FER1L6: variants seen among roughly 807,000 people sequenced by gnomAD.
The protein encoded by FER1L6 is fer-1 like family member 6, also known as fer-1-like protein 6.
Under a neutral mutation model 219.2 loss-of-function variants are expected in FER1L6, and 177 were observed. The observed-to-expected ratio is 0.81, with a 90% confidence interval of 0.71 to 0.91. FER1L6 has a LOEUF of 0.91. FER1L6 is among the 40% of genes least tolerant of loss of function. The probability of loss-of-function intolerance (pLI) is 0.00; values close to 1 mark genes in which losing one functional copy is unlikely to be tolerated. For synonymous variants in FER1L6, 768 were observed against 824.3 expected, an observed-to-expected ratio of 0.93 and a Z score of 1.17; for missense variants, 2,153 against 2,259.9, an observed-to-expected ratio of 0.95 and a Z score of 0.96.
At chr8:123,960,609 G>A (rs144007342) in intron 2 of FER1L6, among the ~76,000 whole-genome samples, 1 of 152,228 alleles carries the variant, frequency 6.6e-6, no homozygotes, top group East Asian at 1.9e-4. Context: ...CTGGAAATCA[G>A]TATCACTGGG....
intron 20 of FER1L6, among the ~76,000 whole-genome samples, chr8:124,040,953 G>A (rs1819461239): frequency 1.3e-5 from 2 of 152,322 alleles, no homozygotes; most frequent in South Asian, 4.1e-4. Context: ...GCAAATCATA[G>A]TATGGGTCTG....
At chr8:123,864,781 G>C (rs1232082430) in intron 1 of FER1L6, among the ~76,000 whole-genome samples, 1 of 150,154 alleles carries the variant, frequency 6.7e-6, no homozygotes, top group Non-Finnish European at 1.5e-5. Flanking sequence ...ATCGGCTCCT[G>C]AGGCTTCTGC....
intron 33 of FER1L6, among the ~76,000 whole-genome samples, chr8:124,085,453 ATTTC>A (rs1821740565): frequency 6.6e-6 from 1 of 151,644 alleles, no homozygotes; most frequent in Non-Finnish European, 1.5e-5. Context: ...AAATTTCTAA[ATTTC>A]TTTCTTAATT....
At chr8:123,957,096 G>C (rs1004156255) in intron 2 of FER1L6, among the ~76,000 whole-genome samples, 1 of 152,296 alleles carries the variant, frequency 6.6e-6, no homozygotes, top group Middle Eastern at 3.4e-3. Context: ...CGTGGGTCTC[G>C]TTAATCTTCA....
intron 26 of FER1L6, among the ~76,000 whole-genome samples, chr8:124,065,438 A>G (rs1586659870): frequency 6.6e-6 from 1 of 151,222 alleles, no homozygotes; most frequent in East Asian, 1.9e-4. Flanking sequence ...CTTAAGGAAC[A>G]GCCTGCCCAG....
At chr8:123,884,177 C>T (rs2129672677) in intron 1 of FER1L6, among the ~76,000 whole-genome samples, 1 of 152,346 alleles carries the variant, frequency 6.6e-6, no homozygotes, top group South Asian at 2.1e-4. Flanking sequence ...TCACAAAGAA[C>T]ACCATGTGTG....
rs10104887 is a variant in FER1L6 at position 123,942,162 on chromosome 8, T to C, written c.-7-13830T>C. On this transcript the variant is annotated intron_variant, in intron 1 of 40. Coordinates refer to ENST00000522917, the MANE Select transcript of FER1L6 (RefSeq NM_001039112.2). ...TACGAGGCTGCCTTGGGAGCTACTA[T>C]TTAACTGCTTAGTCTGTACCTGCAG... 1.9e-3 allele frequency among the ~76,000 whole-genome samples: 291 copies of C among 152,242 alleles called. 3 individuals carry two copies. Among genetic ancestry groups the C allele is most frequent in the African/African-American group, 6.4e-3 (267 of 41,538 alleles).
intron 1 of FER1L6, among the ~76,000 whole-genome samples, chr8:123,896,875 T>C (rs1353148208): frequency 1.3e-5 from 2 of 152,144 alleles, no homozygotes; most frequent in Admixed American, 1.3e-4. Flanking sequence ...GCCCTGCAGC[T>C]ATTCTAGGGC....
intron 24 of FER1L6, among the ~76,000 whole-genome samples, chr8:124,061,406 G>C (rs573378957): frequency 6.6e-6 from 1 of 152,126 alleles, no homozygotes; most frequent in African/African-American, 2.4e-5. Context: ...CAAACCTTTT[G>C]TATCAGGCTG....
intron 1 of FER1L6, among the ~76,000 whole-genome samples, chr8:123,915,288 C>A (rs968759943): frequency 6.6e-6 from 1 of 152,108 alleles, no homozygotes; most frequent in Non-Finnish European, 1.5e-5. Flanking sequence ...GCCTTCATGG[C>A]CATGATAGCC....
rs1296301001 is a variant in FER1L6 at position 123,862,350 on chromosome 8, G to A, written c.-8+10165G>A. Among the ~76,000 whole-genome samples, 51 of 124,256 alleles carry A rather than the reference G, an allele frequency of 4.1e-4. No individual in the cohort carries two copies. In the East Asian group the frequency reaches 8.1e-3, roughly 20 times the overall value. 81.5% of individuals were successfully genotyped at this position (124,256 alleles called of 152,430 possible). A position where few individuals can be genotyped will look rare whatever the true frequency, so the allele number is the denominator to read the frequency against. ...AAGCCCACTTGATCATGGTGGATAA[G>A]CTTTTTGATGTGCTGCTGGATTCGG... On this transcript the variant is annotated intron_variant, in intron 1 of 40. Coordinates refer to ENST00000522917, the MANE Select transcript of FER1L6 (RefSeq NM_001039112.2).
At chr8:123,947,144 G>A (rs777028895) in intron 1 of FER1L6, among the ~76,000 whole-genome samples, 1 of 152,002 alleles carries the variant, frequency 6.6e-6, no homozygotes, top group Non-Finnish European at 1.5e-5. Context: ...AAATTAGCCG[G>A]GTGTGGTGGC....
intron 1 of FER1L6, among the ~76,000 whole-genome samples, chr8:123,954,980 T>C (rs1331936024): frequency 6.6e-6 from 1 of 152,190 alleles, no homozygotes; most frequent in African/African-American, 2.4e-5. Flanking sequence ...CAGCCCAGTT[T>C]CATCCATCTG....
intron 39 of FER1L6, among the ~76,000 whole-genome samples, chr8:124,103,514 T>C (rs2130992747): frequency 6.6e-6 from 1 of 152,336 alleles, no homozygotes; most frequent in Admixed American, 6.5e-5. Context: ...TTTTCTATCC[T>C]TTTGGCCTGA....
intron 18 of FER1L6, among the ~76,000 whole-genome samples, chr8:124,028,146 T>A (rs758108447): frequency 7.9e-5 from 12 of 152,246 alleles, no homozygotes; most frequent in Non-Finnish European, 1.6e-4. Context: ...AGTCAGAGGT[T>A]AGAAGAGTTG....
At chr8:123,910,964 T>A (rs949480673) in intron 1 of FER1L6, among the ~76,000 whole-genome samples, 1 of 152,088 alleles carries the variant, frequency 6.6e-6, no homozygotes, top group Non-Finnish European at 1.5e-5. Context: ...CCTAGTGGGA[T>A]GGGCAGTGAG....
chr8:123,921,539 A>AT lies in FER1L6; in HGVS notation c.-7-34437dup, dbSNP rs34702833. 6.7e-3 allele frequency among the ~76,000 whole-genome samples: 953 copies of AT among 141,826 alleles called. 3 individuals are homozygous for AT. The highest frequency in any genetic ancestry group is 0.013 in the South Asian group (57 of 4,446). 93.0% of individuals were successfully genotyped at this position (141,826 alleles called of 152,430 possible). ...ACCACCATGCCAGGCTAATTTTTGG[A>AT]TTTTTTTTTTTTTTTTGTAGAGACT... On this transcript the variant is annotated intron_variant, in intron 1 of 40. Coordinates refer to ENST00000522917, the MANE Select transcript of FER1L6 (RefSeq NM_001039112.2).
At chr8:123,953,375 C>T (rs953647157) in intron 1 of FER1L6, among the ~76,000 whole-genome samples, 17 of 152,208 alleles carry the variant, frequency 1.1e-4, no homozygotes, top group African/African-American at 4.1e-4. Context: ...CTTCTCAACA[C>T]TGGGTCTGCC....
intron 35 of FER1L6, among the ~76,000 whole-genome samples, chr8:124,095,554 T>C (rs1822247235): frequency 6.6e-6 from 1 of 152,026 alleles, no homozygotes; most frequent in Non-Finnish European, 1.5e-5. Flanking sequence ...GTGGAAAAAA[T>C]ACCTAGAGAG....
Sources: allele counts gnomAD v4.1 joint callset (sites outside exome capture counted in the v4.1 genomes callset), GRCh38; gene constraint gnomAD v4.1.1; transcripts MANE v1.5; gene names NCBI Gene and HGNC (gene_info 2026-07-23, HGNC 2026-07-21).